The following MAP2K5 variants were observed in gnomAD, a reference collection of about 807,000 sequenced individuals.
MAP2K5 encodes the protein mitogen-activated protein kinase kinase 5.
MAP2K5 carries 49 observed loss-of-function variants against 83.1 expected under a neutral mutation model. The observed-to-expected ratio is 0.59, with a 90% confidence interval of 0.47 to 0.75. The LOEUF is 0.75. Among genes scored for constraint, MAP2K5 ranks in the 30% least tolerant of loss-of-function variants. MAP2K5 has a pLI of 0.00. For synonymous variants in MAP2K5, 202 were observed against 191.8 expected (o/e 1.05, Z -0.44); for missense variants, 457 against 557.5 (o/e 0.82, Z 1.82).
rs2090366691 is a variant in MAP2K5, at chr15:67,783,611, A to C, written c.1242+10859A>C. On this transcript the variant is annotated intron_variant, in intron 21 of 21. Transcript: ENST00000178640. The surrounding 1 kb of genome is among the most constrained non-coding windows in gnomAD (Gnocchi z 5.1). ...CTTTGTGGCAGTAACTTGTGGTAAC[A>C]GTCAATAAAAGAGACCACAACCCCT... Among the ~76,000 whole-genome samples the C allele has an allele frequency of 6.6e-6, 1 of 152,234 alleles. No homozygotes were observed. The highest frequency in any genetic ancestry group is 2.4e-5 in the African/African-American group (1 of 41,458).
At chr15:67,604,082 C>A (rs1156470484) in intron 8 of MAP2K5, among the ~76,000 whole-genome samples, 10 of 152,202 alleles carry the variant, frequency 6.6e-5, no homozygotes, top group Non-Finnish European at 1.2e-4. Flanking sequence ...CATTTTCCTC[C>A]TTTAAGTGTA....
chr15:67,686,413 C>G (rs1238071435), intron 13 of MAP2K5, among the ~76,000 whole-genome samples: 1 of 151,948 alleles, frequency 6.6e-6, no homozygotes, highest in Non-Finnish European at 1.5e-5. Context: ...TCGAGACCAG[C>G]CTGGGCAACA....
chr15:67,768,374 C>T lies in MAP2K5; in HGVS notation c.1135-1228C>T, dbSNP rs568499578. Among the ~76,000 whole-genome samples, 1 of 152,178 alleles carries T rather than the reference C, an allele frequency of 6.6e-6. No individual in the cohort carries two copies. Among genetic ancestry groups the T allele is most frequent in the East Asian group, 1.9e-4 (1 of 5,186 alleles). On this transcript the variant is annotated intron_variant, in intron 19 of 21. Coordinates refer to ENST00000178640, the MANE Select transcript of MAP2K5 (RefSeq NM_145160.3). This position sits in a 1 kb window ranked among gnomAD's most constrained non-coding sequence, Gnocchi z 4.0. ...TTTTCCACTACATCAAAGCTATTTC[C>T]TCTCGTTCTCAATAATGAATACATG...
intron 13 of MAP2K5, among the ~76,000 whole-genome samples, chr15:67,685,589 G>A (rs925791052): frequency 6.6e-6 from 1 of 152,050 alleles, no homozygotes; most frequent in African/African-American, 2.4e-5. Flanking sequence ...GAAAAATAAA[G>A]ACATTATATT....
At position 67,579,708 on chromosome 15, in the gene MAP2K5, ACCCTTGCTCTTGT is replaced by A. The variant is rs1297520936; in HGVS notation, c.253-1045_253-1033del. Reference sequence around the variant, plus strand: ...CTTTATTTTCAAGAGGAAAAAAAAAACCCTTGCTCTTGTAATAATTTTAATGTACATAAAAGCA... The same window carrying A: ...CTTTATTTTCAAGAGGAAAAAAAAAAAATAATTTTAATGTACATAAAAGCA... On this transcript the variant is annotated intron_variant, in intron 3 of 21. Transcript: ENST00000178640. Among the ~76,000 whole-genome samples the A allele has an allele frequency of 5.3e-3, 803 of 152,088 alleles. 4 individuals are homozygous for A. Among genetic ancestry groups the A allele is most frequent in the African/African-American group, 0.019 (775 of 41,482 alleles).
At chr15:67,655,133 T>A (rs897035612) in intron 11 of MAP2K5, among the ~76,000 whole-genome samples, 1 of 152,180 alleles carries the variant, frequency 6.6e-6, no homozygotes, top group African/African-American at 2.4e-5. Flanking sequence ...ATCTTTTTTA[T>A]GCTATTATTG....
chr15:67,621,912 G>A (rs953729705), intron 8 of MAP2K5, among the ~76,000 whole-genome samples: 10 of 152,104 alleles, frequency 6.6e-5, no homozygotes, highest in Non-Finnish European at 1.3e-4. Flanking sequence ...GGCCGGGTGC[G>A]GTGGCTTACG....
At position 67,703,947 on chromosome 15, in the gene MAP2K5, A is replaced by G. The variant is rs73425958; in HGVS notation, c.1044+539A>G. 3.0e-3 allele frequency among the ~76,000 whole-genome samples: 463 copies of G among 152,290 alleles called. 3 individuals carry two copies. The highest frequency in any genetic ancestry group is 0.011 in the African/African-American group (453 of 41,574). Reference sequence around the variant, plus strand: ...TCTTATCACATGTGTATGTGGGTTAAGGGGTGGTGTGATATGATGGAGAGG... The same window carrying G: ...TCTTATCACATGTGTATGTGGGTTAGGGGGTGGTGTGATATGATGGAGAGG... On this transcript the variant is annotated intron_variant, in intron 16 of 21. Coordinates refer to ENST00000178640, the MANE Select transcript of MAP2K5 (RefSeq NM_145160.3).
At chr15:67,648,443 T>C (rs888527031) in intron 11 of MAP2K5, among the ~76,000 whole-genome samples, 1 of 152,244 alleles carries the variant, frequency 6.6e-6, no homozygotes, top group Non-Finnish European at 1.5e-5. Context: ...TTTCGTTGTA[T>C]GGCTATACTA....
chr15:67,624,135 C>G (rs913561950), intron 8 of MAP2K5, among the ~76,000 whole-genome samples: 1 of 151,116 alleles, frequency 6.6e-6, no homozygotes, highest in Admixed American at 6.6e-5. Context: ...GTCAGGAGAT[C>G]GAGACCATCC....
intron 1 of MAP2K5, chr15:67,549,046 T>A: frequency 6.7e-7 from 1 of 1,496,970 alleles, no homozygotes; most frequent in Non-Finnish European, 8.9e-7. Flanking sequence ...GGCTGTGGGC[T>A]CCCTGCTGAG....
chr15:67,742,232 A>G (rs2089511859), intron 17 of MAP2K5, among the ~76,000 whole-genome samples: 1 of 152,224 alleles, frequency 6.6e-6, no homozygotes, highest in Non-Finnish European at 1.5e-5. Flanking sequence ...CCAAAAGAGA[A>G]TCATTGGAAT....
chr15:67,736,751 A>C lies in MAP2K5; in HGVS notation c.1074+8806A>C, dbSNP rs2089349866. Among the ~76,000 whole-genome samples, 2 of 152,204 alleles carry C rather than the reference A, an allele frequency of 1.3e-5. No individual in the cohort carries two copies. The highest frequency in any genetic ancestry group is 2.9e-5 in the Non-Finnish European group (2 of 68,038). Reference sequence around the variant, plus strand: ...GCCCCCAGAAATAGAATTGAAAGTTAATGAACTTGGTGTTCAGTCTGGCTT... The same window carrying C: ...GCCCCCAGAAATAGAATTGAAAGTTCATGAACTTGGTGTTCAGTCTGGCTT... On this transcript the variant is annotated intron_variant, in intron 17 of 21. Transcript: ENST00000178640. This position sits in a 1 kb window ranked among gnomAD's most constrained non-coding sequence, Gnocchi z 4.3.
intron 13 of MAP2K5, among the ~76,000 whole-genome samples, chr15:67,666,758 C>T (rs2087390754): frequency 6.6e-6 from 1 of 152,116 alleles, no homozygotes. Flanking sequence ...CTATAAAATG[C>T]CACCTGTTGT....
chr15:67,606,414 A>G (rs893428716), intron 8 of MAP2K5, among the ~76,000 whole-genome samples: 11 of 152,180 alleles, frequency 7.2e-5, no homozygotes, highest in Non-Finnish European at 7.3e-5. Flanking sequence ...TCAGTGATAC[A>G]ATGGGTAGTA....
At position 67,676,101 on chromosome 15, in the gene MAP2K5, A is replaced by G. The variant is rs1183389753; in HGVS notation, c.847+11456A>G. Among the ~76,000 whole-genome samples the G allele has an allele frequency of 2.0e-5, 3 of 152,114 alleles. No homozygotes were observed. Among genetic ancestry groups the G allele is most frequent in the South Asian group, 2.1e-4 (1 of 4,832 alleles). Reference sequence around the variant, plus strand: ...ATCCATTAGGGTAAGCTTCTATCCAACCACCCAGCAAGATGCCCCCAGTGT... The same window carrying G: ...ATCCATTAGGGTAAGCTTCTATCCAGCCACCCAGCAAGATGCCCCCAGTGT... On this transcript the variant is annotated intron_variant, in intron 13 of 21. Transcript: ENST00000178640. This position sits in a 1 kb window ranked among gnomAD's most constrained non-coding sequence, Gnocchi z 4.8.
intron 2 of MAP2K5, among the ~76,000 whole-genome samples, chr15:67,554,624 C>T (rs1019690158): frequency 6.6e-6 from 1 of 152,200 alleles, no homozygotes; most frequent in Non-Finnish European, 1.5e-5. Context: ...ATTAATCTCT[C>T]TGCACCTTTA....
At chr15:67,590,442 C>T (rs140623635) in intron 6 of MAP2K5, among the ~76,000 whole-genome samples, 839 of 5,650 alleles carry the variant, frequency 0.15, 21 homozygotes, top group African/African-American at 0.23. Flanking sequence ...TCTCTCCCTC[C>T]CTCCCTCTCT....
chr15:67,711,295 G>GT (rs1195181121), intron 16 of MAP2K5, among the ~76,000 whole-genome samples: 2 of 152,170 alleles, frequency 1.3e-5, no homozygotes, highest in Non-Finnish European at 2.9e-5. Flanking sequence ...ATAAATGCCC[G>GT]TAAGTGTTTG....
Sources: gnomAD v4.1 joint callset for allele counts (sites outside exome capture counted in the v4.1 genomes callset) on GRCh38, gnomAD v4.1.1 for gene constraint, Gnocchi (gnomAD v3.1) non-coding constraint, MANE v1.5 for transcripts, NCBI Gene and HGNC (gene_info 2026-07-23, HGNC 2026-07-21) for gene names.